SLC24A1: variants seen among roughly 807,000 people sequenced by gnomAD.
SLC24A1 encodes sodium/potassium/calcium exchanger 1.
A neutral mutation model predicts 88.1 loss-of-function variants in SLC24A1; 52 were observed. The ratio of observed to expected loss-of-function variants is 0.59; its 90% CI spans 0.47 to 0.74. The LOEUF (loss-of-function observed/expected upper bound fraction) is 0.74, where lower values mean the gene tolerates loss of function less well. Ranked by LOEUF, SLC24A1 falls within the 30% of genes least tolerant of loss-of-function variation. SLC24A1 has a pLI of 0.00. For synonymous variants in SLC24A1, 455 were observed against 498.0 expected (o/e 0.91, Z 1.15); for missense variants, 1,173 against 1,363.3 (o/e 0.86, Z 2.20).
intron 6 of SLC24A1, among the ~76,000 whole-genome samples, chr15:65,646,120 G>A (rs1168457496): frequency 6.6e-6 from 1 of 152,198 alleles, no homozygotes; most frequent in Non-Finnish European, 1.5e-5. Flanking sequence ...AGGCATCTCA[G>A]CCTTGTCTGC....
chr15:65,634,429 C>T (rs2074834931), intron 2 of SLC24A1, among the ~76,000 whole-genome samples: 1 of 152,160 alleles, frequency 6.6e-6, no homozygotes, highest in Non-Finnish European at 1.5e-5. Flanking sequence ...TCTGTTACCT[C>T]AGCCTCTTGC....
chr15:65,620,789 A>C (rs912574346), upstream of SLC24A1, among the ~76,000 whole-genome samples: 2 of 152,168 alleles, frequency 1.3e-5, no homozygotes, highest in South Asian at 2.1e-4. Context: ...AAAAAAGATC[A>C]CTCATTTTAC....
intron 9 of SLC24A1, 135 bp downstream of exon 9, chr15:65,652,943 C>A: frequency 1.5e-6 from 1 of 669,704 alleles, no homozygotes; most frequent in South Asian, 3.4e-5. Flanking sequence ...TTCTGCAAAG[C>A]AACAAAATAT....
upstream of SLC24A1, among the ~76,000 whole-genome samples, chr15:65,618,605 G>C (rs542292722): frequency 2.0e-5 from 3 of 152,306 alleles, no homozygotes; most frequent in African/African-American, 7.2e-5. Context: ...GGTCACTTGG[G>C]CTGCTATACC....
At chr15:65,619,691 G>A (rs2074258943), upstream of SLC24A1, among the ~76,000 whole-genome samples, 1 of 152,080 alleles carries the variant, frequency 6.6e-6, no homozygotes, top group Non-Finnish European at 1.5e-5. Flanking sequence ...GAAAAGTCTC[G>A]TTCCCTCTTC....
intron 4 of SLC24A1, among the ~76,000 whole-genome samples, chr15:65,642,733 AC>A (rs2075170563): frequency 6.6e-6 from 1 of 152,240 alleles, no homozygotes; most frequent in East Asian, 1.9e-4. Flanking sequence ...TAGTGGCTCT[AC>A]CCATGGAGCT....
chr15:65,660,641 A>G (rs982840635), downstream of SLC24A1: 16 of 202,980 alleles, frequency 7.9e-5, no homozygotes, highest in Non-Finnish European at 1.2e-4. Flanking sequence ...AATACTCATG[A>G]TGTCTAAACT....
At chr15:65,627,717 C>A (rs1264753478) in intron 2 of SLC24A1, among the ~76,000 whole-genome samples, 1 of 152,204 alleles carries the variant, frequency 6.6e-6, no homozygotes, top group African/African-American at 2.4e-5. Context: ...TACAACAGGC[C>A]AGCAGTTTCC....
At chr15:65,626,984 C>A (rs2074542760) in intron 2 of SLC24A1, among the ~76,000 whole-genome samples, 1 of 152,108 alleles carries the variant, frequency 6.6e-6, no homozygotes, top group South Asian at 2.1e-4. Context: ...CTCAGAGAAG[C>A]CGCTGGTGTG....
rs563752295 is a variant in SLC24A1, at chr15:65,624,887, G to C, written c.807G>C (p.Leu269Phe). ...FLTHEVEANV[L>F]TSPRSVMEKN... Reference sequence around the variant, plus strand: ...CACATGAGGTAGAAGCAAACGTCTTGACTTCTCCAAGGAGCGTCATGGAAA... The same window carrying C: ...CACATGAGGTAGAAGCAAACGTCTTCACTTCTCCAAGGAGCGTCATGGAAA... Residue 269 changes from leucine to phenylalanine, a missense_variant, in exon 2 of 10, where the codon TTG (leucine) becomes TTC (phenylalanine). Leu to Phe is a conservative substitution (Grantham distance 22, BLOSUM62 0). Coordinates refer to ENST00000261892, the MANE Select transcript of SLC24A1 (RefSeq NM_004727.3). 3 of 1,613,856 alleles carry C rather than the reference G, an allele frequency of 1.9e-6. No homozygotes were observed. Among genetic ancestry groups the C allele is most frequent in the Non-Finnish European group, 2.5e-6 (3 of 1,179,896 alleles).
intron 2 of SLC24A1, among the ~76,000 whole-genome samples, chr15:65,615,044 T>A (rs1426030495): frequency 6.6e-6 from 1 of 152,088 alleles, no homozygotes; most frequent in Non-Finnish European, 1.5e-5. Flanking sequence ...AGAAAGACCT[T>A]GTCTCTACAA....
At chr15:65,642,254 G>A (rs1351340764) in intron 4 of SLC24A1, among the ~76,000 whole-genome samples, 1 of 152,150 alleles carries the variant, frequency 6.6e-6, no homozygotes, top group Non-Finnish European at 1.5e-5. Context: ...CTTTACAGGT[G>A]TTCCAGCTCT....
rs56960432 is a variant in SLC24A1, at chr15:65,635,446, C to CAAAAAA, written c.1891-2663_1891-2658dup. On this transcript the variant is annotated intron_variant, in intron 2 of 9. Coordinates refer to ENST00000261892, the MANE Select transcript of SLC24A1 (RefSeq NM_004727.3). ...TGGCAACAGAGTGAGACTCCGTCTCCAAAAAAAAAAAAAAAAAAAAAAAAG... is the reference window on the plus strand; with the variant it reads ...TGGCAACAGAGTGAGACTCCGTCTCCAAAAAAAAAAAAAAAAAAAAAAAAAAAAAAG... 1.8e-3 allele frequency among the ~76,000 whole-genome samples: 107 copies of CAAAAAA among 58,346 alleles called. 1 individual carries two copies. The highest frequency in any genetic ancestry group is 3.6e-3 in the East Asian group (6 of 1,650). The allele number at this position is 58,346 out of a possible 152,430, so 38.3% of individuals were successfully genotyped here. A position where few individuals can be genotyped will look rare whatever the true frequency, so the allele number is the denominator to read the frequency against.
At chr15:65,647,905 G>T (rs975650578) in intron 6 of SLC24A1, among the ~76,000 whole-genome samples, 14 of 152,082 alleles carry the variant, frequency 9.2e-5, no homozygotes, top group Admixed American at 1.3e-4. Flanking sequence ...AAATGACCAG[G>T]CCCCACCCTC....
downstream of SLC24A1, chr15:65,660,289 T>C (rs920021598): frequency 1.3e-6 from 2 of 1,535,112 alleles, no homozygotes; most frequent in African/African-American, 2.7e-5. Context: ...AGTTGGAAGC[T>C]GTGAAATGTT....
chr15:65,637,644 C>A (rs2074985952), intron 2 of SLC24A1, among the ~76,000 whole-genome samples: 1 of 152,214 alleles, frequency 6.6e-6, no homozygotes, highest in Non-Finnish European at 1.5e-5. Context: ...ATAAAACAGT[C>A]TACCTTCAAG....
At chr15:65,632,125 C>T (rs1362492112) in intron 2 of SLC24A1, among the ~76,000 whole-genome samples, 1 of 152,108 alleles carries the variant, frequency 6.6e-6, no homozygotes, top group Admixed American at 6.6e-5. Context: ...CCATCGTGCC[C>T]AGCCTGGATT....
At position 65,650,509 on chromosome 15, in the gene SLC24A1, C is replaced by T. The variant is rs776149268; in HGVS notation, c.2360C>T (p.Thr787Ile). The change falls in exon 7 of 10, where the codon ACA becomes ATA. Residue 787 changes from threonine to isoleucine, a missense_variant. Thr to Ile is a moderately conservative substitution (Grantham distance 89). Coordinates refer to ENST00000261892, the MANE Select transcript of SLC24A1 (RefSeq NM_004727.3). This position sits in a 1 kb window ranked among gnomAD's most constrained non-coding sequence, Gnocchi z 4.1. ...CCAGAAGGTGAAGGTGAAACTGAAA[C>T]ACAAGGAAAAGGAGAAGAATGTGAA... ...TQPEGEGETE[T>I]QGKGEECEDE... 5 of 1,551,382 alleles carry T rather than the reference C, an allele frequency of 3.2e-6. No homozygotes were observed. The South Asian group carries it at 6.0e-5, about 18-fold the overall frequency.
intron 4 of SLC24A1, among the ~76,000 whole-genome samples, chr15:65,641,021 G>A (rs902270047): frequency 6.6e-6 from 1 of 151,684 alleles, no homozygotes. Flanking sequence ...AGATTGCACC[G>A]CTGCACTCCA....
Sources: gnomAD v4.1 joint callset for allele counts (sites outside exome capture counted in the v4.1 genomes callset) on GRCh38, gnomAD v4.1.1 for gene constraint, Gnocchi (gnomAD v3.1) non-coding constraint, MANE v1.5 for transcripts, NCBI Gene and HGNC (gene_info 2026-07-23, HGNC 2026-07-21) for gene names.